RYR1: variants seen among roughly 807,000 people sequenced by gnomAD.
RYR1 encodes the protein ryanodine receptor 1.
A neutral mutation model predicts 583.5 loss-of-function variants in RYR1; 342 were observed. That is an observed-to-expected ratio of 0.59 (90% CI 0.54 to 0.64). The LOEUF (loss-of-function observed/expected upper bound fraction) is 0.64, where lower values mean the gene tolerates loss of function less well. Among genes scored for constraint, RYR1 ranks in the 30% least tolerant of loss-of-function variants. The pLI is 0.00. For missense variants in RYR1, 6,032 were observed against 6,917.2 expected, an observed-to-expected ratio of 0.87 and a Z score of 4.54; for synonymous variants, 2,791 against 2,822.5, an observed-to-expected ratio of 0.99 and a Z score of 0.35.
At chr19:38,481,506 C>A (rs762839737) in intron 31 of RYR1, among the ~76,000 whole-genome samples, 49 of 152,064 alleles carry the variant, frequency 3.2e-4, no homozygotes, top group Admixed American at 7.2e-4. Flanking sequence ...TGTAGATTTC[C>A]CCCTCCATTC....
chr19:38,529,752 C>G (rs1971646760), intron 76 of RYR1, among the ~76,000 whole-genome samples: 1 of 152,124 alleles, frequency 6.6e-6, no homozygotes, highest in South Asian at 2.1e-4. Context: ...AGGCTAATGA[C>G]AGGCTTAGTA....
At chr19:38,479,895 T>C (rs929697886) in intron 31 of RYR1, among the ~76,000 whole-genome samples, 1 of 151,904 alleles carries the variant, frequency 6.6e-6, no homozygotes, top group Admixed American at 6.6e-5. Context: ...TTTTTTTGTA[T>C]TTATTGTGCA....
intron 12 of RYR1, among the ~76,000 whole-genome samples, chr19:38,452,113 A>T (rs1600665789): frequency 1.1e-5 from 1 of 88,850 alleles, no homozygotes; most frequent in Non-Finnish European, 2.1e-5. Context: ...GCATAGGGAG[A>T]CCCCGCCTCT....
At position 38,512,364 on chromosome 19, in the gene RYR1, C is replaced by T. The variant is rs2915960; in HGVS notation, c.9353C>T (p.Ala3118Val). ...ENLRLGKVSQ[A>V]RTQVKGVGQN... ...CTGCGGCTGGGCAAGGTGTCGCAGGCGCGCACCCAGGTGAAAGGCGTGGGC... is the reference window on the plus strand; with the variant it reads ...CTGCGGCTGGGCAAGGTGTCGCAGGTGCGCACCCAGGTGAAAGGCGTGGGC... The change falls in exon 63 of 106, where the codon GCG (alanine) becomes GTG (valine). Residue 3118 changes from alanine (A) to valine (V), a missense_variant. This residue lies in a region of RYR1 where 1,493 missense variants were observed against 1,715.5 expected (regional missense o/e 0.87). Transcript: ENST00000359596. The surrounding 1 kb of genome is among the most constrained non-coding windows in gnomAD (Gnocchi z 5.1). 483 of 1,614,068 alleles carry T rather than the reference C, an allele frequency of 3.0e-4. 3 individuals are homozygous for T. In the African/African-American group the frequency reaches 5.4e-3, roughly 18 times the overall value.
intron 67 of RYR1, among the ~76,000 whole-genome samples, chr19:38,522,440 AAAAAT>A (rs1971264952): frequency 6.6e-6 from 1 of 151,996 alleles, no homozygotes; most frequent in South Asian, 2.1e-4. Context: ...TCTTCCTACA[AAAAAT>A]AAAATAAAAC....
chr19:38,462,326 A>G (rs1403458509), intron 20 of RYR1, among the ~76,000 whole-genome samples: 1 of 152,156 alleles, frequency 6.6e-6, no homozygotes, highest in African/African-American at 2.4e-5. Flanking sequence ...ATTAAACAGT[A>G]AGCACTCAAG....
intron 73 of RYR1, 41 bp downstream of exon 73, chr19:38,527,825 CG>C (rs1312252039): frequency 3.1e-6 from 5 of 1,602,856 alleles, no homozygotes; most frequent in Non-Finnish European, 4.3e-6. Flanking sequence ...GGTCTCTGGG[CG>C]GAGCCTGGCG....
rs1255785204 is a variant in RYR1, at chr19:38,504,222, C to T, written c.7929C>T (p.Leu2643=). The part of the protein sequence containing the change: ...LNEFAKMPLK[L]LTNHYERCWK... Reference sequence around the variant, plus strand: ...GTCCCCCTCTTGTTCCCACCCAGCTCCTCACCAACCACTATGAGCGCTGTT... The same window carrying T: ...GTCCCCCTCTTGTTCCCACCCAGCTTCTCACCAACCACTATGAGCGCTGTT... The change falls in exon 50 of 106, where the codon CTC becomes CTT. Residue 2643 remains leucine, a splice_region_variant and synonymous_variant. Transcript: ENST00000359596. 6.2e-7 allele frequency: 1 copy of T among 1,612,548 alleles called. No individual in the cohort carries two copies. Among genetic ancestry groups the T allele is most frequent in the Non-Finnish European group, 8.5e-7 (1 of 1,179,400 alleles).
chr19:38,471,728 C>T (rs369183784), intron 27 of RYR1, among the ~76,000 whole-genome samples: 8 of 151,830 alleles, frequency 5.3e-5, no homozygotes, highest in African/African-American at 1.9e-4. Flanking sequence ...TAGTGAAACC[C>T]CGTCTCTTCT....
In RYR1 at chr19:38,580,898, CATTTTTT is replaced by C. The variant is rs1974173103; in HGVS notation, c.14646+395_14646+401del. ...TTGGCAAGCTGATGCATGCCAGGCACATTTTTTTTTTTTTTTTTTGAGATGGAGTCTC... is the reference window on the plus strand; with the variant it reads ...TTGGCAAGCTGATGCATGCCAGGCACTTTTTTTTTTTTGAGATGGAGTCTC... On this transcript the variant is annotated intron_variant, in intron 101 of 105. Coordinates refer to ENST00000359596, the MANE Select transcript of RYR1 (RefSeq NM_000540.3). Among the ~76,000 whole-genome samples the C allele has an allele frequency of 3.5e-5, 5 of 144,190 alleles. No individual in the cohort carries two copies. In the South Asian group the frequency reaches 1.1e-3, roughly 31 times the overall value. The allele number at this position is 144,190 out of a possible 152,430, so 94.6% of individuals were successfully genotyped here.
chr19:38,573,505 T>C (rs1266073666), intron 96 of RYR1, among the ~76,000 whole-genome samples, 198 bp downstream of exon 96: 1 of 151,264 alleles, frequency 6.6e-6, no homozygotes, highest in Non-Finnish European at 1.5e-5. Flanking sequence ...CATGGTGAAA[T>C]CCCGTCTCTA....
At chr19:38,451,664 G>A in intron 11 of RYR1, 100 bp from the exon 12 acceptor site, 1 of 1,385,638 alleles carries the variant, frequency 7.2e-7, no homozygotes, top group Non-Finnish European at 1.0e-6. Context: ...GCAGAGCAGG[G>A]AGGAGGGGGC....
Position 38,543,531 on chromosome 19 carries a change from G to A in RYR1, c.11779-1G>A. On this transcript the variant is annotated splice_acceptor_variant, in intron 85 of 105. Transcript: ENST00000359596. LOFTEE classifies it high-confidence loss of function. The surrounding 1 kb of genome is among the most constrained non-coding windows in gnomAD (Gnocchi z 4.4). ...CCTCACACCCTACCCGCCCCCACCA[G>A]GAATCCATCAGCGACTTCTACTGGT... The A allele has an allele frequency of 6.2e-7, 1 of 1,608,056 alleles. No homozygotes were observed. Among genetic ancestry groups the A allele is most frequent in the Non-Finnish European group, 8.5e-7 (1 of 1,176,744 alleles).
At chr19:38,580,556 G>A (rs1388068077) in intron 101 of RYR1, 52 bp downstream of exon 101, 1 of 1,611,212 alleles carries the variant, frequency 6.2e-7, no homozygotes, top group Admixed American at 1.7e-5. Flanking sequence ...ATCTGTTGAA[G>A]GAGTTAATAA....
chr19:38,446,427 G>A, intron 7 of RYR1, 45 bp from the exon 8 acceptor site: 1 of 1,442,510 alleles, frequency 6.9e-7, no homozygotes, highest in Non-Finnish European at 9.8e-7. Flanking sequence ...TGGTCTTCCT[G>A]GGGCTCCAGC....
intron 88 of RYR1, among the ~76,000 whole-genome samples, chr19:38,547,438 A>G (rs962835061): frequency 4.6e-5 from 7 of 151,844 alleles, no homozygotes; most frequent in African/African-American, 1.5e-4. Context: ...CAGTTTGCCA[A>G]TCTCTACCTC....
At chr19:38,571,115 ACCAGGCCT>A (rs1973694261) in intron 94 of RYR1, among the ~76,000 whole-genome samples, 1 of 152,188 alleles carries the variant, frequency 6.6e-6, no homozygotes, top group Non-Finnish European at 1.5e-5. Context: ...TGGGTTAAGA[ACCAGGCCT>A]CCTGAAGGAC....
chr19:38,452,825 G>A lies in RYR1; in HGVS notation c.1251G>A (p.Leu417=). The change falls in exon 13 of 106, where the codon CTG becomes CTA. Residue 417 remains leucine, a synonymous_variant. Transcript: ENST00000359596. Reference sequence around the variant, plus strand: ...AGCTGCGAGGTCCCTGTAGGAGCCTGGACAGCTTCAGCGGGAAGCCACGGG... The same window carrying A: ...AGCTGCGAGGTCCCTGTAGGAGCCTAGACAGCTTCAGCGGGAAGCCACGGG... ...NGLYNQFIKS[L]DSFSGKPRGS... The A allele has an allele frequency of 6.3e-7, 1 of 1,592,164 alleles. No homozygotes were observed. Among genetic ancestry groups the A allele is most frequent in the East Asian group, 2.3e-5 (1 of 43,968 alleles).
In RYR1 at chr19:38,496,180, C is replaced by A. The variant is rs1413005482; in HGVS notation, c.6549-35C>A. On this transcript the variant is annotated intron_variant, in intron 39 of 105. Coordinates refer to ENST00000359596, the MANE Select transcript of RYR1 (RefSeq NM_000540.3). This position sits in a 1 kb window ranked among gnomAD's most constrained non-coding sequence, Gnocchi z 4.8. Reference sequence around the variant, plus strand: ...GGCTATGGCCCTCTCCGGACCTGGGCCCCTGGTGACCCCGCACACTCTGCC... The same window carrying A: ...GGCTATGGCCCTCTCCGGACCTGGGACCCTGGTGACCCCGCACACTCTGCC... The A allele has an allele frequency of 1.9e-6, 3 of 1,577,934 alleles. No individual in the cohort carries two copies. Among genetic ancestry groups the A allele is most frequent in the African/African-American group, 1.3e-5 (1 of 74,208 alleles).
Sources: allele counts gnomAD v4.1 joint callset (sites outside exome capture counted in the v4.1 genomes callset), GRCh38; gene constraint gnomAD v4.1.1; regional missense constraint gnomAD v4.1.1; non-coding constraint Gnocchi (gnomAD v3.1); transcripts MANE v1.5; gene names NCBI Gene and HGNC (gene_info 2026-07-23, HGNC 2026-07-21).